XPR1: variants seen among roughly 807,000 people sequenced by gnomAD.
XPR1 encodes the protein xenotropic and polytropic retrovirus receptor 1.
In XPR1, 28 loss-of-function variants were observed where a neutral mutation model predicts 87.5. The ratio of observed to expected loss-of-function variants is 0.32; its 90% CI spans 0.24 to 0.44. The LOEUF is 0.44. Ranked by LOEUF, XPR1 falls within the 20% of genes least tolerant of loss-of-function variation. The pLI is 1.00. For synonymous variants in XPR1, 300 were observed against 306.1 expected, an observed-to-expected ratio of 0.98 and a Z score of 0.21; for missense variants, 559 against 862.3, an observed-to-expected ratio of 0.65 and a Z score of 4.41.
intron 2 of XPR1, among the ~76,000 whole-genome samples, chr1:180,728,646 A>G (rs1194337276): frequency 1.3e-5 from 2 of 152,220 alleles, no homozygotes; most frequent in African/African-American, 4.8e-5. Context: ...TTTGAGAAGC[A>G]TTGCTGTATG....
At chr1:180,814,561 G>A (rs1484131582) in intron 7 of XPR1, among the ~76,000 whole-genome samples, 5 of 152,210 alleles carry the variant, frequency 3.3e-5, no homozygotes, top group Non-Finnish European at 5.9e-5. Flanking sequence ...CCTTAAATTT[G>A]CAGGGTTGTT....
At chr1:180,753,354 C>T (rs971596723) in intron 2 of XPR1, among the ~76,000 whole-genome samples, 5 of 152,010 alleles carry the variant, frequency 3.3e-5, no homozygotes, top group African/African-American at 9.7e-5. Flanking sequence ...CGCTTGAACT[C>T]GGAAGTTCAA....
chr1:180,822,047 A>G (rs530357987), intron 7 of XPR1, among the ~76,000 whole-genome samples: 2 of 152,304 alleles, frequency 1.3e-5, no homozygotes, highest in African/African-American at 4.8e-5. Flanking sequence ...TTCCTAACTA[A>G]TCTTGCCTTT....
chr1:180,665,320 T>G (rs746404588), intron 1 of XPR1, among the ~76,000 whole-genome samples: 7 of 152,098 alleles, frequency 4.6e-5, no homozygotes, highest in Non-Finnish European at 8.8e-5. Flanking sequence ...CCCTTGACAT[T>G]CGTGGGGATT....
intron 2 of XPR1, among the ~76,000 whole-genome samples, chr1:180,772,405 G>C (rs1271486391): frequency 6.6e-6 from 1 of 152,118 alleles, no homozygotes; most frequent in Non-Finnish European, 1.5e-5. Flanking sequence ...AGATCTGAGT[G>C]CTAGACTTAT....
rs185403014 is a variant in XPR1 at position 180,677,562 on chromosome 1, G to A, written c.70-4798G>A. Among the ~76,000 whole-genome samples the A allele has an allele frequency of 1.6e-3, 244 of 152,238 alleles. 1 individual carries two copies. The highest frequency in any genetic ancestry group is 0.01 in the Middle Eastern group (3 of 294). On this transcript the variant is annotated intron_variant, in intron 1 of 14. Coordinates refer to ENST00000367590, the MANE Select transcript of XPR1 (RefSeq NM_004736.4). ...GGACAGGGTCTGCAAAGTATCTCAGGCACTGATCTTAGTTTTATAATAGCG... is the reference window on the plus strand; with the variant it reads ...GGACAGGGTCTGCAAAGTATCTCAGACACTGATCTTAGTTTTATAATAGCG...
intron 12 of XPR1, among the ~76,000 whole-genome samples, chr1:180,867,211 A>G (rs1163423546): frequency 4.6e-5 from 3 of 65,876 alleles, no homozygotes; most frequent in South Asian, 6.0e-4. Context: ...CCAGTCTATC[A>G]TTGTTGGACA....
At chr1:180,742,432 A>G (rs1021761192) in intron 2 of XPR1, among the ~76,000 whole-genome samples, 1 of 152,066 alleles carries the variant, frequency 6.6e-6, no homozygotes, top group Non-Finnish European at 1.5e-5. Flanking sequence ...TGTTTGGAGA[A>G]TTTGCTATTA....
chr1:180,703,968 C>T (rs1216911796), intron 2 of XPR1, among the ~76,000 whole-genome samples: 1 of 151,818 alleles, frequency 6.6e-6, no homozygotes, highest in East Asian at 1.9e-4. Context: ...TTATAGGTTT[C>T]TGCTGCATCT....
intron 14 of XPR1, among the ~76,000 whole-genome samples, chr1:180,882,005 G>A (rs1273802651): frequency 1.3e-5 from 2 of 152,332 alleles, no homozygotes; most frequent in South Asian, 2.1e-4. Flanking sequence ...GTGGGTCAGT[G>A]AGATAAGTGC....
intron 2 of XPR1, among the ~76,000 whole-genome samples, chr1:180,748,190 G>A (rs1647343781): frequency 6.6e-6 from 1 of 151,978 alleles, no homozygotes; most frequent in Non-Finnish European, 1.5e-5. Flanking sequence ...TTTCTATGGT[G>A]TCTAGCCAGT....
intron 12 of XPR1, 128 bp from the exon 13 acceptor site, chr1:180,873,675 T>G: frequency 9.7e-7 from 1 of 1,028,392 alleles, no homozygotes; most frequent in African/African-American, 1.6e-5. Context: ...AAAGTACAAC[T>G]TTCCTCTTGA....
intron 1 of XPR1, among the ~76,000 whole-genome samples, chr1:180,664,535 A>T (rs1053289500): frequency 1.3e-5 from 2 of 151,306 alleles, no homozygotes; most frequent in Non-Finnish European, 2.9e-5. Context: ...AGTCCTCTTT[A>T]CTCTTCCCTA....
chr1:180,878,125 C>T (rs1394436095), intron 13 of XPR1: 1 of 152,374 alleles, frequency 6.6e-6, no homozygotes, highest in Non-Finnish European at 1.5e-5. Context: ...TCGCTGCTGC[C>T]ACCTTCCCCC....
In XPR1 at chr1:180,888,956, A is replaced by G. The variant is rs930402763; in HGVS notation, c.*4890A>G. 3.9e-5 allele frequency: 6 copies of G among 152,230 alleles called. No individual in the cohort carries two copies. Among genetic ancestry groups the G allele is most frequent in the African/African-American group, 1.4e-4 (6 of 41,466 alleles). The allele number at this position is 152,230 out of a possible 1,614,324, so 9.4% of individuals were successfully genotyped here. ...TTTGGAAGAGCCTAAGGTAGTCCAT[A>G]CAGGAAGTTTGCCTGAGAACAGAGA... is the stretch of plus-strand genomic sequence containing the variant. On this transcript the variant is annotated 3_prime_UTR_variant, in exon 15 of 15. Transcript: ENST00000367590.
At chr1:180,673,551 A>G (rs1656256443) in intron 1 of XPR1, among the ~76,000 whole-genome samples, 1 of 152,218 alleles carries the variant, frequency 6.6e-6, no homozygotes, top group Non-Finnish European at 1.5e-5. Context: ...GAACTGGGCC[A>G]CACAGCAGGA....
chr1:180,711,813 G>T (rs1657810149), intron 2 of XPR1, among the ~76,000 whole-genome samples: 1 of 152,098 alleles, frequency 6.6e-6, no homozygotes, highest in Admixed American at 6.5e-5. Context: ...TCCTCTGTTT[G>T]CATCTAAAAG....
At chr1:180,830,171 C>G (rs756224859) in intron 9 of XPR1, among the ~76,000 whole-genome samples, 1 of 152,164 alleles carries the variant, frequency 6.6e-6, no homozygotes, top group Non-Finnish European at 1.5e-5. Context: ...ATTACAGAAA[C>G]TGGTGCCAGA....
chr1:180,859,500 G>C (rs1415352001), intron 11 of XPR1, among the ~76,000 whole-genome samples: 1 of 152,116 alleles, frequency 6.6e-6, no homozygotes, highest in Non-Finnish European at 1.5e-5. Flanking sequence ...CTTGCCTAAA[G>C]TGATAATATC....
Sources: gnomAD v4.1 joint callset for allele counts (sites outside exome capture counted in the v4.1 genomes callset) on GRCh38, gnomAD v4.1.1 for gene constraint, MANE v1.5 for transcripts, NCBI Gene and HGNC (gene_info 2026-07-23, HGNC 2026-07-21) for gene names.